Variants in ZNF423 observed in about 807,000 individuals in gnomAD.
The protein encoded by ZNF423 is Ebf-associated zinc finger protein.
ZNF423 carries 12 observed loss-of-function variants against 95.8 expected under a neutral mutation model. The ratio of observed to expected loss-of-function variants is 0.13; its 90% CI spans 0.08 to 0.20. ZNF423 has a LOEUF of 0.20. Among genes scored for constraint, ZNF423 ranks in the 10% least tolerant of loss-of-function variants. The pLI is 1.00. For synonymous variants in ZNF423, 749 were observed against 711.9 expected (o/e 1.05, Z -0.83); for missense variants, 1,316 against 1,737.1 (o/e 0.76, Z 4.31).
At chr16:49,536,365 T>C (rs1403007153) in intron 5 of ZNF423, among the ~76,000 whole-genome samples, 6 of 150,212 alleles carry the variant, frequency 4.0e-5, no homozygotes, top group Non-Finnish European at 5.9e-5. Context: ...TGAAAAGCTT[T>C]AAAAAGTAGA....
intron 7 of ZNF423, among the ~76,000 whole-genome samples, chr16:49,498,468 C>T (rs1447091479): frequency 6.6e-6 from 1 of 152,170 alleles, no homozygotes; most frequent in Non-Finnish European, 1.5e-5. Flanking sequence ...AAGGCGGGGG[C>T]CTTATTGATG....
In ZNF423 at chr16:49,841,295, C is replaced by G. The variant is rs570085126; in HGVS notation, c.40+14440G>C. Among the ~76,000 whole-genome samples, 5 of 152,288 alleles carry G rather than the reference C, an allele frequency of 3.3e-5. No homozygotes were observed. The East Asian group carries it at 5.8e-4, about 18-fold the overall frequency. ...CTCCCCCTTCTCCTATCCCCAGGCACAATTCTGCCACAAGGTCACTGTATG... is the reference window on the plus strand; with the variant it reads ...CTCCCCCTTCTCCTATCCCCAGGCAGAATTCTGCCACAAGGTCACTGTATG... On this transcript the variant is annotated intron_variant, in intron 1 of 7. Transcript: ENST00000563137.
At chr16:49,769,091 C>T (rs1413943450) in intron 2 of ZNF423, among the ~76,000 whole-genome samples, 1 of 152,210 alleles carries the variant, frequency 6.6e-6, no homozygotes, top group Non-Finnish European at 1.5e-5. Context: ...AACTTGGGCA[C>T]ATGCCTGTAA....
Position 49,638,747 on chromosome 16 carries a change from G to T in ZNF423, c.429C>A (p.Gly143=). 1 of 1,614,150 alleles carries T rather than the reference G, an allele frequency of 6.2e-7. No homozygotes were observed. Among genetic ancestry groups the T allele is most frequent in the Non-Finnish European group, 8.5e-7 (1 of 1,180,044 alleles). The change falls in exon 4 of 8, where the codon GGC becomes GGA. Residue 143 remains glycine (G), a synonymous_variant. Transcript: ENST00000563137. This position sits in a 1 kb window ranked among gnomAD's most constrained non-coding sequence, Gnocchi z 5.6. ...CGCAGAACTGGCAAGGGTATGGCAG[G>T]CCCGTGCCCCCTTCCTCCTCGCCGA... ...LGLGEEEGGT[G]LPYPCQFCDK... is the part of the protein sequence containing the mutation.
At chr16:49,583,697 T>C (rs1970740821) in intron 5 of ZNF423, among the ~76,000 whole-genome samples, 2 of 152,222 alleles carry the variant, frequency 1.3e-5, no homozygotes, top group Non-Finnish European at 2.9e-5. Context: ...GTACCAAATC[T>C]ATATCCAATA....
At chr16:49,630,355 C>T (rs1972455602) in intron 4 of ZNF423, among the ~76,000 whole-genome samples, 2 of 152,134 alleles carry the variant, frequency 1.3e-5, no homozygotes, top group African/African-American at 4.8e-5. Context: ...ACATGTGCCC[C>T]CACCTACTCT....
intron 1 of ZNF423, among the ~76,000 whole-genome samples, chr16:49,818,274 C>T (rs556970183): frequency 1.3e-5 from 2 of 152,146 alleles, no homozygotes; most frequent in African/African-American, 2.4e-5. Context: ...GATGCCCGGG[C>T]GCCCACAGAG....
intron 6 of ZNF423, among the ~76,000 whole-genome samples, chr16:49,524,251 G>C (rs1255393026): frequency 6.6e-6 from 1 of 152,210 alleles, no homozygotes; most frequent in African/African-American, 2.4e-5. Context: ...CCCACTGCTA[G>C]CAAGTGGCAG....
intron 1 of ZNF423, among the ~76,000 whole-genome samples, chr16:49,832,460 AAT>A (rs202215782): frequency 0.012 from 1,813 of 151,572 alleles, 44 homozygotes; most frequent in African/African-American, 0.042. Flanking sequence ...ACCCCCAGCC[AAT>A]ATGGACATCA....
intron 7 of ZNF423, among the ~76,000 whole-genome samples, chr16:49,519,418 C>T (rs1022751318): frequency 6.6e-6 from 1 of 152,196 alleles, no homozygotes; most frequent in African/African-American, 2.4e-5. Flanking sequence ...GTGAAAGTTC[C>T]TATCCCGCCC....
intron 5 of ZNF423, among the ~76,000 whole-genome samples, chr16:49,615,990 C>T (rs1390202182): frequency 2.0e-5 from 3 of 152,190 alleles, no homozygotes; most frequent in Non-Finnish European, 4.4e-5. Flanking sequence ...AGGACCCGCC[C>T]TTCTCTTCTG....
intron 1 of ZNF423, among the ~76,000 whole-genome samples, chr16:49,801,337 C>T (rs1282869985): frequency 6.6e-6 from 1 of 152,234 alleles, no homozygotes; most frequent in East Asian, 1.9e-4. Flanking sequence ...GCCTGAAAGT[C>T]AGGGCTTTAC....
At chr16:49,735,812 G>T (rs2033273210) in intron 2 of ZNF423, among the ~76,000 whole-genome samples, 1 of 152,228 alleles carries the variant, frequency 6.6e-6, no homozygotes, top group Admixed American at 6.5e-5. Flanking sequence ...ACCCCAAGAA[G>T]CCTTTGGATG....
intron 3 of ZNF423, among the ~76,000 whole-genome samples, chr16:49,704,884 C>T (rs1213148341): frequency 6.6e-6 from 1 of 152,196 alleles, no homozygotes; most frequent in African/African-American, 2.4e-5. Flanking sequence ...CTCTCCTGCT[C>T]ATCAGCAGCC....
chr16:49,609,505 C>G (rs1343030981), intron 5 of ZNF423, among the ~76,000 whole-genome samples: 1 of 151,760 alleles, frequency 6.6e-6, no homozygotes, highest in African/African-American at 2.4e-5. Flanking sequence ...AGAAGTCCAG[C>G]AAAGACCTAG....
chr16:49,620,946 A>T (rs1361267334), intron 5 of ZNF423, among the ~76,000 whole-genome samples: 3 of 151,974 alleles, frequency 2.0e-5, no homozygotes, highest in Non-Finnish European at 4.4e-5. Context: ...ATGTGGGCAG[A>T]CCCACTGCTC....
At chr16:49,547,342 G>A (rs1384563662) in intron 5 of ZNF423, among the ~76,000 whole-genome samples, 2 of 152,012 alleles carry the variant, frequency 1.3e-5, no homozygotes, top group Non-Finnish European at 2.9e-5. Flanking sequence ...AACACAAAGG[G>A]GCCACGATGC....
chr16:49,638,723 G>A lies in ZNF423; in HGVS notation c.453C>T (p.Cys151=), dbSNP rs569824346. 645 of 1,614,138 alleles carry A rather than the reference G, an allele frequency of 4.0e-4. 6 individuals carry two copies. The South Asian group carries it at 5.6e-3, about 14-fold the overall frequency. ...GTGLPYPCQF[C]DKSFIRLSYL... ...AGCTCAAGCGGATGAAGGACTTGTCGCAGAACTGGCAAGGGTATGGCAGGC... is the reference window on the plus strand; with the variant it reads ...AGCTCAAGCGGATGAAGGACTTGTCACAGAACTGGCAAGGGTATGGCAGGC... The change falls in exon 4 of 8, where the codon TGC becomes TGT. Residue 151 remains cysteine (C), a synonymous_variant. Transcript: ENST00000563137. The surrounding 1 kb of genome is among the most constrained non-coding windows in gnomAD (Gnocchi z 5.6).
At chr16:49,509,056 T>G (rs997480114) in intron 7 of ZNF423, among the ~76,000 whole-genome samples, 2 of 152,242 alleles carry the variant, frequency 1.3e-5, no homozygotes, top group Non-Finnish European at 2.9e-5. Context: ...GAAACTGGAC[T>G]CTCTGCTCTT....
Sources: gnomAD v4.1 joint callset for allele counts (sites outside exome capture counted in the v4.1 genomes callset) on GRCh38, gnomAD v4.1.1 for gene constraint, Gnocchi (gnomAD v3.1) non-coding constraint, MANE v1.5 for transcripts, NCBI Gene and HGNC (gene_info 2026-07-23, HGNC 2026-07-21) for gene names.